Variants in GRIN2A observed in about 807,000 individuals in gnomAD.
GRIN2A encodes the protein glutamate receptor ionotropic, NMDA 2A.
Under a neutral mutation model 113.4 loss-of-function variants are expected in GRIN2A, and 22 were observed. The observed-to-expected ratio is 0.19, with a 90% confidence interval of 0.14 to 0.28. GRIN2A has a LOEUF of 0.28. Ranked by LOEUF, GRIN2A falls within the 10% of genes least tolerant of loss-of-function variation. GRIN2A has a pLI of 1.00. For synonymous variants in GRIN2A, 827 were observed against 738.4 expected (o/e 1.12, Z -1.94); for missense variants, 1,502 against 1,887.0 (o/e 0.80, Z 3.78).
At chr16:9,902,439 C>T (rs1009079055) in intron 3 of GRIN2A, among the ~76,000 whole-genome samples, 2 of 152,138 alleles carry the variant, frequency 1.3e-5, no homozygotes, top group Non-Finnish European at 2.9e-5. Context: ...GCCTGGGTCC[C>T]GGACACTGTG....
rs1900766888 is a variant in GRIN2A at position 9,764,305 on chromosome 16, T to A, written c.3239A>T (p.His1080Leu). Residue 1080 changes from histidine to leucine, a missense_variant, in exon 13 of 13, where the codon CAC (histidine) becomes CTC (leucine). By Grantham distance (99) the His-to-Leu change is moderately conservative. Coordinates refer to ENST00000330684, the MANE Select transcript of GRIN2A (RefSeq NM_001134407.3). ...CHREPDNSKNHKTKDNFKRSV... is the reference protein window; with the variant it reads ...CHREPDNSKNLKTKDNFKRSV... ...CCTTTTAAAGTTGTCCTTGGTTTTGTGGTTCTTACTGTTGTCAGGTTCCCT... is the reference window on the plus strand; with the variant it reads ...CCTTTTAAAGTTGTCCTTGGTTTTGAGGTTCTTACTGTTGTCAGGTTCCCT... The A allele has an allele frequency of 6.2e-7, 1 of 1,614,094 alleles. No individual in the cohort carries two copies. The highest frequency in any genetic ancestry group is 1.1e-5 in the South Asian group (1 of 91,076).
intron 2 of GRIN2A, among the ~76,000 whole-genome samples, chr16:10,129,334 C>T (rs2049014080): frequency 6.6e-6 from 1 of 151,386 alleles, no homozygotes; most frequent in South Asian, 2.1e-4. Flanking sequence ...AATGTCCCTG[C>T]TTTCAAAGGA....
chr16:9,909,333 C>A (rs2044089100), intron 3 of GRIN2A, among the ~76,000 whole-genome samples: 1 of 152,164 alleles, frequency 6.6e-6, no homozygotes, highest in Non-Finnish European at 1.5e-5. Context: ...GGGGACAATG[C>A]CAAACCATAT....
chr16:9,799,093 G>C (rs893670574), intron 10 of GRIN2A, among the ~76,000 whole-genome samples: 1 of 152,202 alleles, frequency 6.6e-6, no homozygotes, highest in African/African-American at 2.4e-5. Flanking sequence ...CATACACAGA[G>C]ATTGGCAAAC....
At chr16:10,174,372 C>T (rs985189378) in intron 2 of GRIN2A, among the ~76,000 whole-genome samples, 2 of 152,174 alleles carry the variant, frequency 1.3e-5, no homozygotes, top group Admixed American at 6.5e-5. Context: ...GCTTAAAATA[C>T]ACACCCTCAC....
At chr16:9,769,687 C>T (rs977508186) in intron 11 of GRIN2A, among the ~76,000 whole-genome samples, 3 of 151,966 alleles carry the variant, frequency 2.0e-5, no homozygotes, top group Admixed American at 6.6e-5. Context: ...TTCCTAGAGT[C>T]GCCATGAGGA....
chr16:9,866,362 A>G lies in GRIN2A; in HGVS notation c.1123-16401T>C, dbSNP rs539868643. ...GGGATGTGTAGGATCAGAGAACAGC[A>G]TGCACAAAAGCTTAGAAGCTGAGTT... On this transcript the variant is annotated intron_variant, in intron 4 of 12. Transcript: ENST00000330684. Among the ~76,000 whole-genome samples the G allele has an allele frequency of 4.6e-5, 7 of 152,286 alleles. 1 individual carries two copies. The South Asian group carries it at 1.5e-3, about 32-fold the overall frequency.
intron 4 of GRIN2A, among the ~76,000 whole-genome samples, chr16:9,867,071 T>C: frequency 6.6e-6 from 1 of 152,122 alleles, no homozygotes; most frequent in African/African-American, 2.4e-5. Context: ...TCTTTATCCA[T>C]AACATTAACA....
At chr16:10,113,990 C>T (rs755401106) in intron 2 of GRIN2A, among the ~76,000 whole-genome samples, 6 of 151,684 alleles carry the variant, frequency 4.0e-5, no homozygotes, top group Non-Finnish European at 8.8e-5. Flanking sequence ...TCAAGACCAA[C>T]CTGGATAACA....
At chr16:10,023,617 A>G (rs1478829424) in intron 2 of GRIN2A, among the ~76,000 whole-genome samples, 1 of 152,236 alleles carries the variant, frequency 6.6e-6, no homozygotes, top group African/African-American at 2.4e-5. Context: ...TAAAACACCA[A>G]AAAGAGCCTT....
At chr16:9,979,782 G>T (rs1011251518) in intron 2 of GRIN2A, among the ~76,000 whole-genome samples, 256 of 65,814 alleles carry the variant, frequency 3.9e-3, no homozygotes, top group African/African-American at 0.012. Context: ...AGGGACTATG[G>T]GACTATATAT....
intron 2 of GRIN2A, among the ~76,000 whole-genome samples, chr16:10,072,144 A>G (rs1051533858): frequency 6.6e-6 from 1 of 152,210 alleles, no homozygotes; most frequent in African/African-American, 2.4e-5. Context: ...ATCTTTCACC[A>G]TCGTGAGAGT....
At chr16:9,823,409 C>T (rs2042325781) in intron 9 of GRIN2A, among the ~76,000 whole-genome samples, 1 of 152,118 alleles carries the variant, frequency 6.6e-6, no homozygotes, top group South Asian at 2.1e-4. Flanking sequence ...TGGGGGGCCA[C>T]CATGAAGATC....
chr16:9,857,944 C>G (rs970443305), intron 4 of GRIN2A, among the ~76,000 whole-genome samples: 1 of 152,236 alleles, frequency 6.6e-6, no homozygotes, highest in Admixed American at 6.5e-5. Context: ...AAGGGTTTCA[C>G]AATAGCCTTA....
At chr16:9,961,080 A>G (rs1165755256) in intron 2 of GRIN2A, among the ~76,000 whole-genome samples, 1 of 152,240 alleles carries the variant, frequency 6.6e-6, no homozygotes, top group African/African-American at 2.4e-5. Context: ...AGCATTCAAT[A>G]TATGTATGAC....
intron 2 of GRIN2A, among the ~76,000 whole-genome samples, chr16:10,172,531 G>A (rs766099266): frequency 6.6e-6 from 1 of 152,242 alleles, no homozygotes; most frequent in Admixed American, 6.5e-5. Flanking sequence ...GTGAAGTGAA[G>A]TGAAGTGAAG....
At chr16:9,953,243 G>C (rs905061120) in intron 2 of GRIN2A, among the ~76,000 whole-genome samples, 1 of 152,206 alleles carries the variant, frequency 6.6e-6, no homozygotes, top group Non-Finnish European at 1.5e-5. Flanking sequence ...GATTGGCAGG[G>C]AGATTGGGGA....
intron 2 of GRIN2A, among the ~76,000 whole-genome samples, chr16:10,001,485 A>T (rs570093872): frequency 6.6e-6 from 1 of 152,310 alleles, no homozygotes; most frequent in Non-Finnish European, 1.5e-5. Flanking sequence ...TGCTCCTTCC[A>T]ACTCTCTGCC....
chr16:10,111,702 C>G, intron 2 of GRIN2A: 1 of 1,559,944 alleles, frequency 6.4e-7, no homozygotes, highest in African/African-American at 1.4e-5. Context: ...TGCATAAGGT[C>G]AAGAAGTTTG....
Sources: allele counts gnomAD v4.1 joint callset (sites outside exome capture counted in the v4.1 genomes callset), GRCh38; gene constraint gnomAD v4.1.1; transcripts MANE v1.5; gene names NCBI Gene and HGNC (gene_info 2026-07-23, HGNC 2026-07-21).